The following GNAO1 variants were observed in gnomAD, a reference collection of about 807,000 sequenced individuals.
GNAO1 encodes the protein guanine nucleotide-binding protein G(o) subunit alpha.
For missense variants in GNAO1, 166 were observed against 478.7 expected (o/e 0.35, Z 6.10); for synonymous variants, 164 against 180.7 (o/e 0.91, Z 0.74).
intron 3 of GNAO1, among the ~76,000 whole-genome samples, chr16:56,287,620 G>A (rs1256526801): frequency 6.6e-6 from 1 of 152,224 alleles, no homozygotes; most frequent in Admixed American, 6.5e-5. Context: ...GAGCCTGGGT[G>A]TGACAATTGT....
chr16:56,304,581 A>G (rs1051160934), intron 3 of GNAO1, among the ~76,000 whole-genome samples: 1 of 152,172 alleles, frequency 6.6e-6, no homozygotes, highest in Admixed American at 6.5e-5. Context: ...AGGCTCAAAC[A>G]TCAGTTTACA....
rs2037630265 is a variant in GNAO1 at position 56,326,158 on chromosome 16, T to C, written c.304-2473T>C. On this transcript the variant is annotated intron_variant, in intron 3 of 8. Coordinates refer to ENST00000262493, the MANE Select transcript of GNAO1 (RefSeq NM_020988.3). This position sits in a 1 kb window ranked among gnomAD's most constrained non-coding sequence, Gnocchi z 4.8. The stretch of plus-strand genomic sequence containing the variant: ...TCCCAGCCATGCCTCTTCCTGTCGC[T>C]GGGACATCTCGCAGTGCCACTCTGC... Among the ~76,000 whole-genome samples the C allele has an allele frequency of 6.6e-6, 1 of 152,180 alleles. No individual in the cohort carries two copies. The highest frequency in any genetic ancestry group is 1.5e-5 in the Non-Finnish European group (1 of 68,032).
intron 4 of GNAO1, among the ~76,000 whole-genome samples, chr16:56,329,978 G>T (rs913811384): frequency 6.6e-6 from 1 of 152,218 alleles, no homozygotes; most frequent in Admixed American, 6.5e-5. Flanking sequence ...AAGAAACCCT[G>T]ATCTACGCAA....
intron 2 of GNAO1, among the ~76,000 whole-genome samples, chr16:56,206,268 C>T (rs1194810233): frequency 2.0e-5 from 3 of 149,176 alleles, no homozygotes; most frequent in East Asian, 3.9e-4. Flanking sequence ...TGCAGTGAGC[C>T]GAGATCACGC....
chr16:56,338,871 T>C (rs1342308425), intron 6 of GNAO1, among the ~76,000 whole-genome samples: 4 of 152,238 alleles, frequency 2.6e-5, no homozygotes, highest in Non-Finnish European at 4.4e-5. Flanking sequence ...CCTGGAGCAC[T>C]TGCCCTCCGG....
chr16:56,355,571 C>G (rs1205833597), intron 8 of GNAO1: 1 of 152,270 alleles, frequency 6.6e-6, no homozygotes, highest in East Asian at 1.9e-4. Flanking sequence ...CAGAAATGGC[C>G]GAAGCCCTAA....
At chr16:56,297,191 G>GAT (rs547007311) in intron 3 of GNAO1, among the ~76,000 whole-genome samples, 157 of 152,268 alleles carry the variant, frequency 1.0e-3, no homozygotes, top group African/African-American at 3.7e-3. Flanking sequence ...CTTGAGGCAA[G>GAT]ATCCAAATGT....
intron 3 of GNAO1, among the ~76,000 whole-genome samples, chr16:56,286,522 C>T (rs774941512): frequency 7.2e-5 from 11 of 152,238 alleles, no homozygotes; most frequent in Admixed American, 2.0e-4. Flanking sequence ...TTTTCACCCT[C>T]GACTCCACAG....
At position 56,309,399 on chromosome 16, in the gene GNAO1, C is replaced by T. The variant is rs2037432013; in HGVS notation, c.304-19232C>T. Among the ~76,000 whole-genome samples the T allele has an allele frequency of 3.9e-5, 6 of 152,334 alleles. No homozygotes were observed. The South Asian group carries it at 1.2e-3, about 32-fold the overall frequency. On this transcript the variant is annotated intron_variant, in intron 3 of 8. Transcript: ENST00000262493. Reference sequence around the variant, plus strand: ...GATTCATGTTGCCAGCTCTCCCACCCAGCCAAGGAACGTGTGGGTGCCCCT... The same window carrying T: ...GATTCATGTTGCCAGCTCTCCCACCTAGCCAAGGAACGTGTGGGTGCCCCT...
At chr16:56,203,040 A>C (rs955565592) in intron 2 of GNAO1, among the ~76,000 whole-genome samples, 5 of 152,192 alleles carry the variant, frequency 3.3e-5, no homozygotes, top group Non-Finnish European at 7.3e-5. Context: ...CTGCCTTCAG[A>C]GAGTTGCACC....
At chr16:56,308,138 C>T (rs2037416119) in intron 3 of GNAO1, 2 of 152,208 alleles carry the variant, frequency 1.3e-5, no homozygotes, top group South Asian at 4.1e-4. Flanking sequence ...GGTCCCCAGC[C>T]TGTGTCATGG....
intron 6 of GNAO1, among the ~76,000 whole-genome samples, chr16:56,348,614 CTCT>C (rs2037894876): frequency 6.6e-6 from 1 of 152,216 alleles, no homozygotes; most frequent in Non-Finnish European, 1.5e-5. Flanking sequence ...ATGGTGGTAT[CTCT>C]TCTTTGAATG....
chr16:56,273,182 A>G (rs1468315458), intron 2 of GNAO1, among the ~76,000 whole-genome samples: 1 of 152,158 alleles, frequency 6.6e-6, no homozygotes, highest in Admixed American at 6.5e-5. Flanking sequence ...CTATGGTTGA[A>G]GTTTTATTTC....
intron 2 of GNAO1, among the ~76,000 whole-genome samples, chr16:56,231,498 G>A (rs1200515650): frequency 6.6e-6 from 1 of 152,146 alleles, no homozygotes; most frequent in Non-Finnish European, 1.5e-5. Flanking sequence ...GTCCGAGTCT[G>A]TTTTGTCCCT....
intron 3 of GNAO1, among the ~76,000 whole-genome samples, chr16:56,282,209 A>G (rs2037121242): frequency 6.6e-6 from 1 of 152,094 alleles, no homozygotes; most frequent in Admixed American, 6.5e-5. Context: ...AAATTATGTA[A>G]CCTCTCTAAG....
intron 3 of GNAO1, among the ~76,000 whole-genome samples, chr16:56,319,964 G>A (rs1352730134): frequency 2.0e-5 from 3 of 152,118 alleles, no homozygotes; most frequent in Admixed American, 2.0e-4. Flanking sequence ...CACTGTGGCA[G>A]CTTTGAGCCA....
intron 2 of GNAO1, among the ~76,000 whole-genome samples, chr16:56,195,384 T>A (rs1355368933): frequency 2.0e-5 from 3 of 152,344 alleles, no homozygotes; most frequent in African/African-American, 7.2e-5. Flanking sequence ...CTTGTTTTGT[T>A]AACCACAAAA....
intron 2 of GNAO1, among the ~76,000 whole-genome samples, chr16:56,223,393 A>T (rs1176307010): frequency 1.3e-5 from 2 of 152,140 alleles, no homozygotes; most frequent in Admixed American, 6.5e-5. Flanking sequence ...CTCCATTGTT[A>T]TATCTCTCTC....
intron 2 of GNAO1, among the ~76,000 whole-genome samples, chr16:56,206,589 C>G: frequency 6.6e-6 from 1 of 152,154 alleles, no homozygotes; most frequent in East Asian, 1.9e-4. Flanking sequence ...TAAATATTTT[C>G]TCTCGTAATT....
Sources: gnomAD v4.1 joint callset for allele counts (sites outside exome capture counted in the v4.1 genomes callset) on GRCh38, gnomAD v4.1.1 for gene constraint, Gnocchi (gnomAD v3.1) non-coding constraint, MANE v1.5 for transcripts, NCBI Gene and HGNC (gene_info 2026-07-23, HGNC 2026-07-21) for gene names.